Variants in ROBO2 observed in about 807,000 individuals in gnomAD.
ROBO2 encodes the protein roundabout guidance receptor 2.
ROBO2 carries 53 observed loss-of-function variants against 160.8 expected under a neutral mutation model. The ratio of observed to expected loss-of-function variants is 0.33; its 90% CI spans 0.26 to 0.41. The LOEUF (loss-of-function observed/expected upper bound fraction) is 0.41. ROBO2 is among the 10% of genes least tolerant of loss of function. The pLI, the probability that ROBO2 is intolerant of heterozygous loss-of-function variation, is 1.00. For synonymous variants in ROBO2, 664 were observed against 611.7 expected (o/e 1.09, Z -1.26); for missense variants, 1,577 against 1,722.4 (o/e 0.92, Z 1.49).
intron 2 of ROBO2, among the ~76,000 whole-genome samples, chr3:76,603,342 AAAAAAAAAAATATATATATATATATAT>A (rs1402477076): frequency 4.3e-5 from 3 of 69,328 alleles, no homozygotes; most frequent in East Asian, 3.5e-4. Flanking sequence ...CAAAAAAAAA[AAAAAAAAAAATATATATATATATATAT>A]ATATATATAT....
chr3:76,618,147 G>A (rs1427919525), intron 2 of ROBO2, among the ~76,000 whole-genome samples: 2 of 151,468 alleles, frequency 1.3e-5, no homozygotes, highest in South Asian at 2.1e-4. Flanking sequence ...AGCTTCTTTC[G>A]ACCCCATCTG....
chr3:77,493,294 G>A (rs2086365389), exon 5 of ROBO2: 1 of 1,613,980 alleles, frequency 6.2e-7, no homozygotes, highest in Non-Finnish European at 8.5e-7. Flanking sequence ...ACTGGAGGAA[G>A]AAGCTGTAGA....
intron 2 of ROBO2, among the ~76,000 whole-genome samples, chr3:75,947,942 A>G (rs1948379778): frequency 6.6e-6 from 1 of 152,108 alleles, no homozygotes; most frequent in Non-Finnish European, 1.5e-5. Context: ...GATAAAGAGG[A>G]AGTCCTCAAG....
chr3:76,876,630 A>G (rs1004670811), intron 2 of ROBO2, among the ~76,000 whole-genome samples: 1 of 151,906 alleles, frequency 6.6e-6, no homozygotes, highest in African/African-American at 2.4e-5. Context: ...AGCCGAGATC[A>G]TGCCACTGCA....
At chr3:77,171,333 C>G (rs913059166) in intron 2 of ROBO2, among the ~76,000 whole-genome samples, 1 of 152,208 alleles carries the variant, frequency 6.6e-6, no homozygotes, top group Non-Finnish European at 1.5e-5. Context: ...AGCTTTACCA[C>G]TGGGGTAACA....
chr3:77,614,951 C>T (rs536921838), intron 21 of ROBO2, among the ~76,000 whole-genome samples: 1 of 152,222 alleles, frequency 6.6e-6, no homozygotes, highest in South Asian at 2.1e-4. Flanking sequence ...AAATTCCTTT[C>T]TCTTCCTCCG....
intron 2 of ROBO2, among the ~76,000 whole-genome samples, chr3:76,855,454 G>T (rs1379406541): frequency 6.6e-6 from 1 of 152,146 alleles, no homozygotes; most frequent in African/African-American, 2.4e-5. Flanking sequence ...TCAAATTTCA[G>T]ACCTTTGCAA....
At chr3:77,436,279 G>A (rs756551142) in intron 2 of ROBO2, among the ~76,000 whole-genome samples, 19 of 151,478 alleles carry the variant, frequency 1.3e-4, no homozygotes, top group Non-Finnish European at 2.2e-4. Flanking sequence ...TTTCCTCCCT[G>A]TCGAATAAAA....
chr3:76,322,203 T>TAA (rs1200043046), intron 2 of ROBO2, among the ~76,000 whole-genome samples: 7 of 116,078 alleles, frequency 6.0e-5, no homozygotes, highest in East Asian at 4.5e-4. Context: ...TATATATATA[T>TAA]AATATACACA....
At chr3:76,198,064 C>T (rs1219624546) in intron 2 of ROBO2, among the ~76,000 whole-genome samples, 2 of 152,146 alleles carry the variant, frequency 1.3e-5, no homozygotes, top group African/African-American at 4.8e-5. Flanking sequence ...GATCCCTCCT[C>T]TAGGCCGAGA....
intron 2 of ROBO2, among the ~76,000 whole-genome samples, chr3:76,954,162 C>G (rs1252900708): frequency 6.6e-6 from 1 of 152,160 alleles, no homozygotes; most frequent in East Asian, 1.9e-4. Flanking sequence ...AACCACCTTT[C>G]TTTCAATATA....
chr3:76,089,026 G>A (rs868691930), intron 2 of ROBO2, among the ~76,000 whole-genome samples: 2 of 151,930 alleles, frequency 1.3e-5, no homozygotes, highest in South Asian at 2.1e-4. Context: ...ATAGATTTAT[G>A]GGCATCAAAA....
At chr3:77,379,828 C>T (rs1201394937) in intron 2 of ROBO2, among the ~76,000 whole-genome samples, 1 of 152,152 alleles carries the variant, frequency 6.6e-6, no homozygotes, top group Non-Finnish European at 1.5e-5. Context: ...TGCTCCCACT[C>T]ATCTTCTAAA....
intron 2 of ROBO2, among the ~76,000 whole-genome samples, chr3:76,995,900 T>C (rs550673969): frequency 5.3e-5 from 8 of 152,296 alleles, no homozygotes; most frequent in Middle Eastern, 3.4e-3. Flanking sequence ...ATTCTGTAGG[T>C]TGCCTGTTCA....
At chr3:76,194,971 A>G (rs181871687) in intron 2 of ROBO2, among the ~76,000 whole-genome samples, 22 of 152,274 alleles carry the variant, frequency 1.4e-4, no homozygotes, top group Admixed American at 4.6e-4. Context: ...CTGACATAAA[A>G]AGGAGTAGTT....
At chr3:76,772,059 A>T (rs1025805323) in intron 2 of ROBO2, among the ~76,000 whole-genome samples, 1 of 151,332 alleles carries the variant, frequency 6.6e-6, no homozygotes, top group African/African-American at 2.4e-5. Flanking sequence ...AACAACAGGA[A>T]TCAGAATAGG....
At chr3:76,769,461 C>G (rs1292107399) in intron 2 of ROBO2, among the ~76,000 whole-genome samples, 1 of 151,282 alleles carries the variant, frequency 6.6e-6, no homozygotes, top group Admixed American at 6.6e-5. Context: ...AGGGCTCTAT[C>G]AGTGATCTGC....
intron 2 of ROBO2, among the ~76,000 whole-genome samples, chr3:75,974,808 T>A (rs1008322826): frequency 6.6e-6 from 1 of 151,592 alleles, no homozygotes; most frequent in Non-Finnish European, 1.5e-5. Flanking sequence ...ATACATTTAC[T>A]TTCACAACTT....
chr3:76,058,177 A>G (rs1275762844), intron 2 of ROBO2, among the ~76,000 whole-genome samples: 2 of 151,992 alleles, frequency 1.3e-5, no homozygotes, highest in African/African-American at 2.4e-5. Context: ...GTAGGTATAC[A>G]CATGCCATGA....
Sources: allele counts gnomAD v4.1 joint callset (sites outside exome capture counted in the v4.1 genomes callset), GRCh38; gene constraint gnomAD v4.1.1; transcripts MANE v1.5; gene names NCBI Gene and HGNC (gene_info 2026-07-23, HGNC 2026-07-21).